The following FBN2 variants were observed in gnomAD, a reference collection of about 807,000 sequenced individuals.
FBN2 encodes the protein fibrillin 2, also known as fibrillin-2.
In FBN2, 105 loss-of-function variants were observed where a neutral mutation model predicts 355.6. The observed-to-expected ratio is 0.30, with a 90% confidence interval of 0.25 to 0.35. FBN2 has a LOEUF of 0.35. FBN2 is among the 10% of genes least tolerant of loss of function. The probability of loss-of-function intolerance (pLI) is 1.00; values close to 1 mark genes in which losing one functional copy is unlikely to be tolerated. For synonymous variants in FBN2, 1,350 were observed against 1,301.2 expected (o/e 1.04, Z -0.81); for missense variants, 3,280 against 3,758.7 (o/e 0.87, Z 3.33).
At chr5:128,444,499 T>C (rs1754014802) in intron 7 of FBN2, among the ~76,000 whole-genome samples, 1 of 152,264 alleles carries the variant, frequency 6.6e-6, no homozygotes, top group African/African-American at 2.4e-5. Flanking sequence ...ATATTTCAAA[T>C]TCTAATCACT....
chr5:128,527,838 A>G, intron 4 of FBN2, 34 bp downstream of exon 4: 1 of 1,402,762 alleles, frequency 7.1e-7, no homozygotes, highest in Non-Finnish European at 1.0e-6. Flanking sequence ...TATCCACCAA[A>G]TCAAATGATT....
intron 2 of FBN2, among the ~76,000 whole-genome samples, chr5:128,532,806 G>C (rs150540457): frequency 1.1e-3 from 175 of 152,268 alleles, no homozygotes; most frequent in African/African-American, 4.0e-3. Flanking sequence ...AGCACCTTGG[G>C]AGCCTTAGGC....
At chr5:128,344,228 G>T (rs1436919101) in intron 25 of FBN2, among the ~76,000 whole-genome samples, 157 bp downstream of exon 25, 1 of 152,114 alleles carries the variant, frequency 6.6e-6, no homozygotes, top group Non-Finnish European at 1.5e-5. Context: ...TCCAGCCTGG[G>T]CGACTAAGTG....
At chr5:128,377,546 C>T (rs1752109340) in intron 13 of FBN2, among the ~76,000 whole-genome samples, 1 of 119,110 alleles carries the variant, frequency 8.4e-6, no homozygotes, top group South Asian at 3.2e-4. Flanking sequence ...CTCCCCTCCA[C>T]CACCAAAAAA....
rs757406333 is a variant in FBN2, at chr5:128,378,851, T to G, written c.1643A>C (p.Asp548Ala). The G allele has an allele frequency of 5.0e-5, 81 of 1,613,174 alleles. No homozygotes were observed. In the East Asian group the frequency reaches 1.5e-3, roughly 31 times the overall value. The change falls in exon 12 of 65, where the codon GAT becomes GCT. Residue 548 changes from aspartate to alanine, a missense_variant. Around this residue, in one of 6 missense-constraint regions of FBN2, gnomAD observed 2,284 missense variants for 2,749.5 expected, o/e 0.83. Coordinates refer to ENST00000262464, the MANE Select transcript of FBN2 (RefSeq NM_001999.4). ...ECTSNPCTNG[D>A]CVNTPGSYYC... is the part of the protein sequence containing the mutation. ...ATAGGAACCAGGTGTGTTAACACAA[T>G]CTCCATTAGTGCAGGGATTTGATGT...
chr5:128,304,303 C>A (rs1038517356), intron 45 of FBN2, among the ~76,000 whole-genome samples: 1 of 152,182 alleles, frequency 6.6e-6, no homozygotes, highest in Non-Finnish European at 1.5e-5. Context: ...TATACTCAGT[C>A]CCAGCTTCAT....
chr5:128,391,943 T>C, intron 11 of FBN2, 75 bp downstream of exon 11: 1 of 1,363,760 alleles, frequency 7.3e-7, no homozygotes. Flanking sequence ...AAAATCATAT[T>C]CATTCCAATT....
intron 17 of FBN2, among the ~76,000 whole-genome samples, chr5:128,366,059 ACTTATT>A (rs1420722691): frequency 1.3e-5 from 2 of 151,956 alleles, no homozygotes; most frequent in African/African-American, 4.8e-5. Context: ...CATAAAATTG[ACTTATT>A]CTTCTTTTTT....
intron 48 of FBN2, 50 bp downstream of exon 48, chr5:128,300,767 T>A: frequency 6.3e-7 from 1 of 1,599,706 alleles, no homozygotes; most frequent in Non-Finnish European, 8.6e-7. Context: ...CTTTACCATG[T>A]CTTACTATAC....
chr5:128,349,072 G>A (rs1281497476), intron 23 of FBN2, among the ~76,000 whole-genome samples: 1 of 152,174 alleles, frequency 6.6e-6, no homozygotes, highest in African/African-American at 2.4e-5. Context: ...TATTAACTCA[G>A]TGTGAAAGAC....
At chr5:128,456,237 G>A (rs1444617953) in intron 6 of FBN2, among the ~76,000 whole-genome samples, 1 of 151,908 alleles carries the variant, frequency 6.6e-6, no homozygotes, top group Admixed American at 6.6e-5. Flanking sequence ...AGTGGGTGGG[G>A]CCTTCCTGCA....
chr5:128,351,152 G>A (rs1751347383), intron 20 of FBN2, 147 bp from the exon 21 acceptor site: 2 of 959,292 alleles, frequency 2.1e-6, no homozygotes, highest in African/African-American at 1.6e-5. Context: ...GGAGGCTGAG[G>A]AGGAAGGATC....
intron 7 of FBN2, among the ~76,000 whole-genome samples, chr5:128,443,298 G>C (rs1003151097): frequency 1.3e-5 from 2 of 152,190 alleles, no homozygotes; most frequent in African/African-American, 4.8e-5. Flanking sequence ...CTTTGAGGAA[G>C]ACCAGTAGCT....
chr5:128,341,489 T>C (rs987103489), intron 25 of FBN2, among the ~76,000 whole-genome samples: 3 of 152,176 alleles, frequency 2.0e-5, no homozygotes, highest in East Asian at 1.9e-4. Flanking sequence ...CCGTCAGCTA[T>C]TGGTAGTGTC....
rs904084246 is a variant in FBN2 at position 128,493,479 on chromosome 5, C to T, written c.628+25794G>A. ...AAGCACTTGACATATATCATGCCAT[C>T]AAAACCTCACAACTCCCATAATGCA... On this transcript the variant is annotated intron_variant, in intron 5 of 64. Coordinates refer to ENST00000262464, the MANE Select transcript of FBN2 (RefSeq NM_001999.4). 1.2e-4 allele frequency among the ~76,000 whole-genome samples: 18 copies of T among 152,240 alleles called. No homozygotes were observed. In the East Asian group the frequency reaches 2.3e-3, roughly 20 times the overall value.
At position 128,274,416 on chromosome 5, in the gene FBN2, T is replaced by C. The variant is rs1765337847; in HGVS notation, c.7711+151A>G. The C allele has an allele frequency of 4.6e-6, 3 of 653,628 alleles. No homozygotes were observed. The East Asian group carries it at 8.3e-5, about 18-fold the overall frequency. The allele number at this position is 653,628 out of a possible 1,614,324, so 40.5% of individuals were successfully genotyped here. A position where few individuals can be genotyped will look rare whatever the true frequency, so the allele number is the denominator to read the frequency against. ...TTTGGATATTGTTCTTGAAAATATC[T>C]ATCTTATTAGCAACTTCTTTAGACC... On this transcript the variant is annotated intron_variant, in intron 60 of 64. Coordinates refer to ENST00000262464, the MANE Select transcript of FBN2 (RefSeq NM_001999.4).
intron 62 of FBN2, among the ~76,000 whole-genome samples, chr5:128,270,486 G>A (rs1313585047): frequency 1.3e-5 from 2 of 152,160 alleles, no homozygotes; most frequent in African/African-American, 4.8e-5. Context: ...CCAAGATCAT[G>A]CCACTGCACT....
chr5:128,440,183 C>A (rs1753880530), intron 7 of FBN2, among the ~76,000 whole-genome samples: 1 of 152,112 alleles, frequency 6.6e-6, no homozygotes, highest in African/African-American at 2.4e-5. Context: ...AAATATTTTG[C>A]TGTCTTATCT....
chr5:128,351,018 A>G lies in FBN2; in HGVS notation c.2675-13T>C. The G allele has an allele frequency of 6.2e-7, 1 of 1,614,190 alleles. No homozygotes were observed. Among genetic ancestry groups the G allele is most frequent in the South Asian group, 1.1e-5 (1 of 91,082 alleles). ...CCCTTCAGGCTGTCTGAAAAGGAAC[A>G]GGAAAGGTTGGGGAGCTCTTACCTC... On this transcript the variant is annotated splice_polypyrimidine_tract_variant and intron_variant, in intron 20 of 64. Coordinates refer to ENST00000262464, the MANE Select transcript of FBN2 (RefSeq NM_001999.4).
Sources: allele counts gnomAD v4.1 joint callset (sites outside exome capture counted in the v4.1 genomes callset), GRCh38; gene constraint gnomAD v4.1.1; regional missense constraint gnomAD v4.1.1; transcripts MANE v1.5; gene names NCBI Gene and HGNC (gene_info 2026-07-23, HGNC 2026-07-21).